The following NUMB variants were observed in gnomAD, a reference collection of about 807,000 sequenced individuals.
NUMB encodes the protein NUMB endocytic adaptor protein.
NUMB carries 29 observed loss-of-function variants against 59.7 expected under a neutral mutation model. That is an observed-to-expected ratio of 0.49 (90% CI 0.36 to 0.66). The LOEUF (loss-of-function observed/expected upper bound fraction) is 0.66, where lower values mean the gene tolerates loss of function less well. NUMB is among the 30% of genes least tolerant of loss of function. The pLI is 0.00. For synonymous variants in NUMB, 288 were observed against 288.2 expected (o/e 1.00, Z 0.01); for missense variants, 723 against 822.0 (o/e 0.88, Z 1.47).
intron 1 of NUMB, among the ~76,000 whole-genome samples, chr14:73,448,866 A>G (rs761808223): frequency 1.3e-5 from 2 of 152,176 alleles, no homozygotes; most frequent in Non-Finnish European, 2.9e-5. Context: ...GACTCGATCC[A>G]GGACCCCATG....
chr14:73,345,767 G>A (rs1429293912), intron 4 of NUMB, among the ~76,000 whole-genome samples: 2 of 151,874 alleles, frequency 1.3e-5, no homozygotes, highest in Non-Finnish European at 2.9e-5. Flanking sequence ...AATTAGCCGG[G>A]CGTGGTGGCA....
chr14:73,302,750 C>T (rs964107224), intron 6 of NUMB, among the ~76,000 whole-genome samples: 10 of 152,046 alleles, frequency 6.6e-5, no homozygotes, highest in Non-Finnish European at 1.5e-4. Context: ...GTCTTTCATT[C>T]TGACCATATA....
chr14:73,410,420 C>T (rs1262037916), intron 1 of NUMB, among the ~76,000 whole-genome samples: 3 of 152,120 alleles, frequency 2.0e-5, no homozygotes, highest in Admixed American at 1.3e-4. Context: ...GACCTGGGTT[C>T]CAAACTCAGT....
At chr14:73,280,170 T>G (rs1888518278) in intron 11 of NUMB, among the ~76,000 whole-genome samples, 1 of 150,578 alleles carries the variant, frequency 6.6e-6, no homozygotes, top group East Asian at 1.9e-4. Context: ...CAAAAAAAAA[T>G]TACTCTTTGT....
chr14:73,336,418 C>G (rs1189858843), intron 4 of NUMB, among the ~76,000 whole-genome samples: 3 of 152,144 alleles, frequency 2.0e-5, no homozygotes, highest in Non-Finnish European at 4.4e-5. Context: ...TCAGCTATTG[C>G]GTGCCTTCTG....
intron 6 of NUMB, among the ~76,000 whole-genome samples, chr14:73,303,068 A>G (rs964131612): frequency 1.3e-5 from 2 of 151,906 alleles, no homozygotes; most frequent in African/African-American, 4.8e-5. Flanking sequence ...AAATATAAAA[A>G]TTAGCCGGGT....
intron 2 of NUMB, among the ~76,000 whole-genome samples, chr14:73,388,500 A>C (rs2140093351): frequency 6.6e-6 from 1 of 152,348 alleles, no homozygotes; most frequent in South Asian, 2.1e-4. Flanking sequence ...TATAGAATAA[A>C]GTTGGTATCT....
At position 73,287,216 on chromosome 14, in the gene NUMB, A is replaced by G. The variant is rs1176017002; in HGVS notation, c.549T>C (p.Asp183=). 1 of 1,613,714 alleles carries G rather than the reference A, an allele frequency of 6.2e-7. No homozygotes were observed. The highest frequency in any genetic ancestry group is 2.2e-5 in the East Asian group (1 of 44,864). ...EKECGVTATF[D]ASRTTFTREG... is the part of the protein sequence containing the mutation. ...CTCTTGTAAAAGTGGTCCGACTAGC[A>G]TCAAAAGTAGCAGTCACTCCACATT... The change falls in exon 9 of 13, where the codon GAT becomes GAC. Residue 183 remains aspartate (D), a synonymous_variant. Transcript: ENST00000555238.
intron 4 of NUMB, among the ~76,000 whole-genome samples, chr14:73,353,492 A>G (rs1466093632): frequency 6.6e-6 from 1 of 151,204 alleles, no homozygotes; most frequent in Non-Finnish European, 1.5e-5. Context: ...TATTATCTAT[A>G]AACGTACTTA....
At chr14:73,386,530 T>TTGG (rs1895530788) in intron 2 of NUMB, among the ~76,000 whole-genome samples, 1 of 152,080 alleles carries the variant, frequency 6.6e-6, no homozygotes, top group Non-Finnish European at 1.5e-5. Context: ...GGTTCTCTTA[T>TTGG]TGGAATACAG....
At chr14:73,377,406 G>T (rs574485380) in intron 2 of NUMB, among the ~76,000 whole-genome samples, 1 of 152,028 alleles carries the variant, frequency 6.6e-6, no homozygotes, top group African/African-American at 2.4e-5. Context: ...GGAGGCCAAG[G>T]GGGGCAGGCA....
intron 3 of NUMB, among the ~76,000 whole-genome samples, chr14:73,357,977 C>G (rs1261347185): frequency 6.6e-6 from 1 of 151,178 alleles, no homozygotes; most frequent in Non-Finnish European, 1.5e-5. Flanking sequence ...TTAGCAAAGA[C>G]AACTACTCAC....
intron 2 of NUMB, among the ~76,000 whole-genome samples, chr14:73,383,491 G>T (rs1392828087): frequency 1.3e-5 from 2 of 152,070 alleles, no homozygotes; most frequent in Non-Finnish European, 2.9e-5. Flanking sequence ...GAGATGCAGA[G>T]AAAGATCTAA....
intron 2 of NUMB, among the ~76,000 whole-genome samples, chr14:73,401,563 ATTTTTT>A (rs1164847403): frequency 9.1e-6 from 1 of 110,052 alleles, no homozygotes; most frequent in Non-Finnish European, 1.8e-5. Flanking sequence ...GTAAGACTAA[ATTTTTT>A]TTTTTTTTTT....
At chr14:73,277,867 G>C in intron 12 of NUMB, among the ~76,000 whole-genome samples, 1 of 152,018 alleles carries the variant, frequency 6.6e-6, no homozygotes, top group Middle Eastern at 3.2e-3. Flanking sequence ...AGACTATCCT[G>C]GCCAACATGG....
chr14:73,295,566 TA>T (rs1050962525), intron 7 of NUMB, among the ~76,000 whole-genome samples: 2 of 151,968 alleles, frequency 1.3e-5, no homozygotes, highest in East Asian at 1.9e-4. Context: ...CTCTTGAACT[TA>T]AAAAAAAGTA....
chr14:73,445,027 T>C (rs1439887568), intron 1 of NUMB, among the ~76,000 whole-genome samples: 2 of 152,094 alleles, frequency 1.3e-5, no homozygotes, highest in Admixed American at 1.3e-4. Flanking sequence ...TTAAATATTA[T>C]CTTAAATAAA....
At position 73,409,979 on chromosome 14, in the gene NUMB, T is replaced by C. The variant is rs924516610; in HGVS notation, c.-143A>G. The C allele has an allele frequency of 1.6e-4, 25 of 152,366 alleles. 1 individual carries two copies. In the Middle Eastern group the frequency reaches 0.014, roughly 83 times the overall value. The allele number at this position is 152,366 out of a possible 1,614,324, so 9.4% of individuals were successfully genotyped here. ...TCTGAGGATTGCTGGCCCACCAATA[T>C]TCCAATCTATGGATATAGATCAAGA... On this transcript the variant is annotated 5_prime_UTR_variant, in exon 2 of 13. Coordinates refer to ENST00000555238, the MANE Select transcript of NUMB (RefSeq NM_001005743.2).
intron 7 of NUMB, among the ~76,000 whole-genome samples, chr14:73,293,890 A>G (rs763737239): frequency 7.9e-5 from 12 of 152,246 alleles, no homozygotes; most frequent in Non-Finnish European, 1.5e-4. Context: ...AAACAATACA[A>G]TGACTCAAAT....
Sources: allele counts gnomAD v4.1 joint callset (sites outside exome capture counted in the v4.1 genomes callset), GRCh38; gene constraint gnomAD v4.1.1; transcripts MANE v1.5; gene names NCBI Gene and HGNC (gene_info 2026-07-23, HGNC 2026-07-21).